Variants in ADCY7 observed in about 807,000 individuals in gnomAD.
The protein encoded by ADCY7 is adenylate cyclase type 7.
In ADCY7, 72 loss-of-function variants were observed where a neutral mutation model predicts 120.6. That is an observed-to-expected ratio of 0.60 (90% CI 0.49 to 0.73). ADCY7 has a LOEUF of 0.73. ADCY7 is among the 30% of genes least tolerant of loss of function. The pLI is 0.00. For synonymous variants in ADCY7, 661 were observed against 628.0 expected (o/e 1.05, Z -0.78); for missense variants, 1,227 against 1,486.0 (o/e 0.83, Z 2.87).
At chr16:50,256,497 G>A (rs2032921144) in intron 1 of ADCY7, among the ~76,000 whole-genome samples, 1 of 152,108 alleles carries the variant, frequency 6.6e-6, no homozygotes, top group Non-Finnish European at 1.5e-5. Flanking sequence ...GAGCCTGGGA[G>A]TTTGAGACCA....
chr16:50,316,530 T>C lies in ADCY7; in HGVS notation c.*1025T>C, dbSNP rs2036807476. 1 of 152,388 alleles carries C rather than the reference T, an allele frequency of 6.6e-6. No homozygotes were observed. The highest frequency in any genetic ancestry group is 2.4e-5 in the African/African-American group (1 of 41,456). The allele number at this position is 152,388 out of a possible 1,614,324, so 9.4% of individuals were successfully genotyped here. ...TGAGTGCATCTCTTCTTTCCTTTAG[T>C]CTTCACAGCTAACTCTGGAGAGCTT... On this transcript the variant is annotated 3_prime_UTR_variant, in exon 26 of 26. Coordinates refer to ENST00000673801, the MANE Select transcript of ADCY7 (RefSeq NM_001114.5).
chr16:50,312,420 C>A (rs2036540535), intron 21 of ADCY7, among the ~76,000 whole-genome samples: 1 of 152,212 alleles, frequency 6.6e-6, no homozygotes, highest in Non-Finnish European at 1.5e-5. Context: ...TTTCCCAGGC[C>A]TTGGTCTTCA....
chr16:50,304,461 C>G lies in ADCY7; in HGVS notation c.1470C>G (p.Ser490=). 6.2e-7 allele frequency: 1 copy of G among 1,609,968 alleles called. No homozygotes were observed. Among genetic ancestry groups the G allele is most frequent in the Non-Finnish European group, 8.5e-7 (1 of 1,178,236 alleles). Reference sequence around the variant, plus strand: ...TGCGCATGACCCGGTACCTCGAGTCCTGGGGGGCGGCACGGCCCTTTGCAC... The same window carrying G: ...TGCGCATGACCCGGTACCTCGAGTCGTGGGGGGCGGCACGGCCCTTTGCAC... ...ASVRMTRYLE[S]WGAARPFAHL... The change falls in exon 11 of 26, where the codon TCC becomes TCG. Residue 490 remains serine, a synonymous_variant. Transcript: ENST00000673801.
chr16:50,270,300 A>G (rs998494511), intron 1 of ADCY7, among the ~76,000 whole-genome samples: 3 of 152,190 alleles, frequency 2.0e-5, no homozygotes, highest in African/African-American at 7.2e-5. Context: ...CCACATCTGA[A>G]CACCAGCCAG....
chr16:50,269,003 C>T (rs896808307), intron 1 of ADCY7, among the ~76,000 whole-genome samples: 2 of 152,350 alleles, frequency 1.3e-5, no homozygotes, highest in African/African-American at 4.8e-5. Flanking sequence ...TGCCACTGCA[C>T]TCCATCCAGC....
At chr16:50,315,324 G>A (rs56157600) in intron 25 of ADCY7, 35 bp from the exon 26 acceptor site, 90 of 1,594,440 alleles carry the variant, frequency 5.6e-5, no homozygotes, top group Middle Eastern at 3.3e-4. Flanking sequence ...TGTTCTTCCC[G>A]CCTCTGAAGA....
chr16:50,294,225 C>T (rs1003996676), intron 6 of ADCY7, among the ~76,000 whole-genome samples: 4 of 152,220 alleles, frequency 2.6e-5, no homozygotes, highest in East Asian at 1.9e-4. Context: ...TGTGAGGACT[C>T]GATGCCTGTA....
chr16:50,304,946 C>T lies in ADCY7; in HGVS notation c.1582C>T (p.Arg528Trp), dbSNP rs770623244. Residue 528 changes from arginine (R) to tryptophan (W), a missense_variant, in exon 12 of 26, where the codon CGG becomes TGG. Coordinates refer to ENST00000673801, the MANE Select transcript of ADCY7 (RefSeq NM_001114.5). ...RPKSVPQRHRRTPDRSMSPKG... is the reference protein window; with the variant it reads ...RPKSVPQRHRWTPDRSMSPKG... Reference sequence around the variant, plus strand: ...TCAGAGCGTTCCCCAGCGCCACCGCCGGACCCCAGACAGGTGCGTGCCCTG... The same window carrying T: ...TCAGAGCGTTCCCCAGCGCCACCGCTGGACCCCAGACAGGTGCGTGCCCTG... The T allele has an allele frequency of 2.1e-5, 34 of 1,613,400 alleles. No homozygotes were observed. Among genetic ancestry groups the T allele is most frequent in the Admixed American group, 1.8e-4 (11 of 60,004 alleles).
At position 50,317,792 on chromosome 16, in the gene ADCY7, C is replaced by T. The variant is rs1467407661; in HGVS notation, c.*2287C>T. The T allele has an allele frequency of 6.6e-6, 1 of 152,278 alleles. No individual in the cohort carries two copies. Among genetic ancestry groups the T allele is most frequent in the Non-Finnish European group, 1.5e-5 (1 of 68,026 alleles). The allele number at this position is 152,278 out of a possible 1,614,324, so 9.4% of individuals were successfully genotyped here. ...CACACGTATCTAACAAACAAACAAA[C>T]AGTGACCTTCTCCATGGGTCAAGGA... On this transcript the variant is annotated 3_prime_UTR_variant, in exon 26 of 26. Transcript: ENST00000673801.
At chr16:50,314,233 G>A (rs1485453314) in intron 23 of ADCY7, 59 bp from the exon 24 acceptor site, 8 of 1,538,032 alleles carry the variant, frequency 5.2e-6, no homozygotes, top group Admixed American at 1.7e-5. Context: ...GCGCGCCAGG[G>A]CCCACTAGGT....
At chr16:50,304,314 G>T in intron 10 of ADCY7, 46 bp from the exon 11 acceptor site, 16 of 1,381,276 alleles carry the variant, frequency 1.2e-5, no homozygotes, top group African/African-American at 1.5e-5. Context: ...TTCCTGGGCC[G>T]AGAGGGGAGG....
intron 9 of ADCY7, 29 bp downstream of exon 9, chr16:50,300,902 C>G (rs774046376): frequency 6.4e-7 from 1 of 1,551,218 alleles, no homozygotes; most frequent in South Asian, 1.2e-5. Flanking sequence ...GCCGCAGGGA[C>G]AGAGGCCTGG....
chr16:50,278,872 CTCTTT>C (rs763864798), intron 1 of ADCY7, among the ~76,000 whole-genome samples: 54 of 96,444 alleles, frequency 5.6e-4, no homozygotes, highest in Admixed American at 1.1e-3. Flanking sequence ...CTCTCTCTCT[CTCTTT>C]TTTTTTTTTT....
intron 19 of ADCY7, 129 bp from the exon 20 acceptor site, chr16:50,311,562 CTT>C: frequency 2.0e-6 from 1 of 509,806 alleles, no homozygotes; most frequent in South Asian, 1.7e-5. Context: ...CCAAAGTTGT[CTT>C]GTTTTCTACC....
At position 50,316,446 on chromosome 16, in the gene ADCY7, A is replaced by G. The variant is rs1461235971; in HGVS notation, c.*941A>G. The stretch of plus-strand genomic sequence containing the variant: ...TTCTCCCCTGCCGTCCTTCAACTGT[A>G]TCTTACTTTTCTTACCAGAAAGGAA... On this transcript the variant is annotated 3_prime_UTR_variant, in exon 26 of 26. Coordinates refer to ENST00000673801, the MANE Select transcript of ADCY7 (RefSeq NM_001114.5). 2 of 152,358 alleles carry G rather than the reference A, an allele frequency of 1.3e-5. No individual in the cohort carries two copies. The highest frequency in any genetic ancestry group is 2.9e-5 in the Non-Finnish European group (2 of 68,038). The allele number at this position is 152,358 out of a possible 1,614,324, so 9.4% of individuals were successfully genotyped here.
At position 50,283,866 on chromosome 16, in the gene ADCY7, G is replaced by C. The variant is rs758230492; in HGVS notation, c.-268-4046G>C. Among the ~76,000 whole-genome samples, 7 of 152,310 alleles carry C rather than the reference G, an allele frequency of 4.6e-5. No homozygotes were observed. The South Asian group carries it at 6.2e-4, about 14-fold the overall frequency. On this transcript the variant is annotated intron_variant, in intron 1 of 25. Coordinates refer to ENST00000673801, the MANE Select transcript of ADCY7 (RefSeq NM_001114.5). ...GGGAGGACTCAGGGCCAGAAAAAGT[G>C]CCCAGTGATGGAGGAGACTGCCCTG... is the stretch of plus-strand genomic sequence containing the variant.
upstream of ADCY7, among the ~76,000 whole-genome samples, chr16:50,244,938 A>T (rs1363645828): frequency 6.7e-6 from 1 of 150,308 alleles, no homozygotes; most frequent in Non-Finnish European, 1.5e-5. Flanking sequence ...TGCTGCTGGG[A>T]TGTAAGTCTC....
Position 50,315,069 on chromosome 16 carries a change from T to G in ADCY7, c.3027T>G (p.Tyr1009Ter). ...TGATTGGGGCCCGAAAACCTCAGTATGACATCTGGGGAAACACTGTCAATG... is the reference window on the plus strand; with the variant it reads ...TGATTGGGGCCCGAAAACCTCAGTAGGACATCTGGGGAAACACTGTCAATG... ...AGVIGARKPQYDIWGNTVNVA... is the reference protein window; with the variant it reads ...AGVIGARKPQ The change falls in exon 25 of 26, where the codon TAT (tyrosine) becomes TAG (stop). Residue 1009 changes from tyrosine (Y) to a stop codon, truncating the protein, a stop_gained. Transcript: ENST00000673801. LOFTEE classifies it high-confidence loss of function. The G allele has an allele frequency of 6.2e-7, 1 of 1,614,220 alleles. No homozygotes were observed. The highest frequency in any genetic ancestry group is 1.7e-5 in the Admixed American group (1 of 60,030).
chr16:50,266,264 C>T (rs2033206465), upstream of ADCY7, among the ~76,000 whole-genome samples: 1 of 152,256 alleles, frequency 6.6e-6, no homozygotes. Context: ...TTGCTCCCCA[C>T]TTTGAACAGT....
Sources: gnomAD v4.1 joint callset for allele counts (sites outside exome capture counted in the v4.1 genomes callset) on GRCh38, gnomAD v4.1.1 for gene constraint, MANE v1.5 for transcripts, NCBI Gene and HGNC (gene_info 2026-07-23, HGNC 2026-07-21) for gene names.